SREK1IP1: variants seen among roughly 807,000 people sequenced by gnomAD.
SREK1IP1 encodes protein SREK1IP1.
A neutral mutation model predicts 22.8 loss-of-function variants in SREK1IP1; 12 were observed. The observed-to-expected ratio is 0.53, with a 90% CI of 0.34 to 0.85. SREK1IP1 has a LOEUF of 0.85. SREK1IP1 is among the 40% of genes least tolerant of loss of function. The pLI, the probability that SREK1IP1 is intolerant of heterozygous loss-of-function variation, is 0.02. For synonymous variants in SREK1IP1, 53 were observed against 52.7 expected (o/e 1.01, Z -0.02); for missense variants, 147 against 171.8 (o/e 0.86, Z 0.81).
chr5:64,761,255 A>G (rs1742948474), intron 1 of SREK1IP1, among the ~76,000 whole-genome samples: 1 of 152,218 alleles, frequency 6.6e-6, no homozygotes, highest in African/African-American at 2.4e-5. Flanking sequence ...AAGTAGCCAT[A>G]TAATTTTGAA....
At chr5:64,766,716 T>G (rs1743037714) in intron 1 of SREK1IP1, among the ~76,000 whole-genome samples, 1 of 152,228 alleles carries the variant, frequency 6.6e-6, no homozygotes, top group South Asian at 2.1e-4. Flanking sequence ...AAGTACACAG[T>G]CTAGAGGAAC....
chr5:64,749,455 G>C (rs7716480), intron 2 of SREK1IP1, among the ~76,000 whole-genome samples: 8,180 of 145,280 alleles, frequency 0.056, 744 homozygotes, highest in African/African-American at 0.2. Flanking sequence ...TTTTTCCTTT[G>C]AGAGAGGGTC....
chr5:64,755,442 T>C (rs531386297), intron 1 of SREK1IP1, among the ~76,000 whole-genome samples: 1 of 152,176 alleles, frequency 6.6e-6, no homozygotes, highest in East Asian at 1.9e-4. Context: ...TTATCCTAAG[T>C]GAATTAACAC....
At chr5:64,760,517 T>C (rs1742931236) in intron 1 of SREK1IP1, among the ~76,000 whole-genome samples, 1 of 152,078 alleles carries the variant, frequency 6.6e-6, no homozygotes, top group Admixed American at 6.5e-5. Context: ...TGCACTAGGA[T>C]AGAAAAGCTA....
intron 1 of SREK1IP1, among the ~76,000 whole-genome samples, chr5:64,758,029 C>T (rs757817726): frequency 4.6e-5 from 7 of 151,504 alleles, no homozygotes; most frequent in East Asian, 1.9e-4. Flanking sequence ...CCCGCCACCA[C>T]GCCAGGCTAA....
At chr5:64,730,413 G>C (rs1742356262) in intron 3 of SREK1IP1, among the ~76,000 whole-genome samples, 1 of 152,094 alleles carries the variant, frequency 6.6e-6, no homozygotes, top group Non-Finnish European at 1.5e-5. Flanking sequence ...AAAGGATCTA[G>C]GGAAGAACAA....
chr5:64,753,584 G>C (rs1292858572), intron 2 of SREK1IP1, among the ~76,000 whole-genome samples: 1 of 152,070 alleles, frequency 6.6e-6, no homozygotes, highest in East Asian at 1.9e-4. Context: ...CTTATCACAT[G>C]TTCTTGCATG....
Position 64,719,861 on chromosome 5 carries a change from T to C in SREK1IP1, c.*4523A>G, listed in dbSNP as rs1219529891. 1 of 152,226 alleles carries C rather than the reference T, an allele frequency of 6.6e-6. No individual in the cohort carries two copies. Among genetic ancestry groups the C allele is most frequent in the African/African-American group, 2.4e-5 (1 of 41,466 alleles). 9.4% of individuals were successfully genotyped at this position (152,226 alleles called of 1,614,324 possible). ...AGACTGGCCTTCGCAACTGGGATTA[T>C]TGTCACACTGGTATAAGAAACCTAC... On this transcript the variant is annotated 3_prime_UTR_variant, in exon 5 of 5. Transcript: ENST00000513458.
chr5:64,752,263 T>C (rs1397337395), intron 2 of SREK1IP1, among the ~76,000 whole-genome samples: 1 of 150,892 alleles, frequency 6.6e-6, no homozygotes, highest in African/African-American at 2.4e-5. Flanking sequence ...GCCATTCTCC[T>C]GTCTCAGCCT....
chr5:64,731,294 G>A (rs1742373137), intron 3 of SREK1IP1, among the ~76,000 whole-genome samples: 2 of 151,810 alleles, frequency 1.3e-5, no homozygotes, highest in South Asian at 2.1e-4. Context: ...CTGGAGGATC[G>A]CATAAGACTC....
At chr5:64,727,549 A>ATTTTTT (rs1269876433) in intron 4 of SREK1IP1, 2 of 119,040 alleles carry the variant, frequency 1.7e-5, no homozygotes, top group African/African-American at 9.5e-5. Context: ...ATATATATAT[A>ATTTTTT]TATATTTTTT....
intron 3 of SREK1IP1, among the ~76,000 whole-genome samples, chr5:64,735,939 T>G (rs1742454358): frequency 6.6e-6 from 1 of 152,186 alleles, no homozygotes; most frequent in South Asian, 2.1e-4. Context: ...TTTGTTAAGG[T>G]GGAAGTTGAA....
At chr5:64,757,584 AC>A (rs1037012684) in intron 1 of SREK1IP1, among the ~76,000 whole-genome samples, 19 of 152,220 alleles carry the variant, frequency 1.2e-4, no homozygotes, top group African/African-American at 4.6e-4. Flanking sequence ...TATACAAAAT[AC>A]ACAAGCACAT....
chr5:64,760,774 T>C (rs538088740), intron 1 of SREK1IP1, among the ~76,000 whole-genome samples: 3 of 152,358 alleles, frequency 2.0e-5, no homozygotes, highest in Middle Eastern at 6.8e-3. Flanking sequence ...CATCTTTTCA[T>C]GTTTCTTACC....
intron 4 of SREK1IP1, among the ~76,000 whole-genome samples, chr5:64,725,272 TA>T (rs960487335): frequency 1.3e-4 from 20 of 151,108 alleles, no homozygotes; most frequent in African/African-American, 2.4e-4. Context: ...CTAATATTCA[TA>T]AAAAAAAGGA....
rs1377235190 is a variant in SREK1IP1, at chr5:64,721,074, T to TA, written c.*3309dup. 6.6e-6 allele frequency: 1 copy of TA among 152,236 alleles called. No individual in the cohort carries two copies. The highest frequency in any genetic ancestry group is 2.4e-5 in the African/African-American group (1 of 41,454). 9.4% of individuals were successfully genotyped at this position (152,236 alleles called of 1,614,324 possible). On this transcript the variant is annotated 3_prime_UTR_variant, in exon 5 of 5. Coordinates refer to ENST00000513458, the MANE Select transcript of SREK1IP1 (RefSeq NM_173829.4). ...CTGCCATAACCCTCATTCTTATCCT[T>TA]AATCAAATTGCAATTCAGTCACTAC...
At chr5:64,752,252 C>T (rs1742759093) in intron 2 of SREK1IP1, among the ~76,000 whole-genome samples, 2 of 147,054 alleles carry the variant, frequency 1.4e-5, no homozygotes, top group Non-Finnish European at 3.0e-5. Flanking sequence ...CCCGGGTTCA[C>T]GCCATTCTCC....
intron 1 of SREK1IP1, 162 bp from the exon 2 acceptor site, chr5:64,754,524 A>G (rs1457216492): frequency 1.6e-6 from 1 of 617,062 alleles, no homozygotes; most frequent in Non-Finnish European, 2.8e-6. Flanking sequence ...GAGTACACTG[A>G]CATGATCACA....
At chr5:64,725,373 T>C (rs1224041944) in intron 4 of SREK1IP1, among the ~76,000 whole-genome samples, 2 of 152,164 alleles carry the variant, frequency 1.3e-5, no homozygotes, top group African/African-American at 4.8e-5. Flanking sequence ...ACTCAAAATA[T>C]GAGTGACAAG....
Sources: gnomAD v4.1 joint callset for allele counts (sites outside exome capture counted in the v4.1 genomes callset) on GRCh38, gnomAD v4.1.1 for gene constraint, MANE v1.5 for transcripts, NCBI Gene and HGNC (gene_info 2026-07-23, HGNC 2026-07-21) for gene names.